Variants in MDN1 observed in about 807,000 individuals in gnomAD.
MDN1 encodes the protein midasin.
A neutral mutation model predicts 669.2 loss-of-function variants in MDN1; 266 were observed. The ratio of observed to expected loss-of-function variants is 0.40; its 90% CI spans 0.36 to 0.44. The LOEUF is 0.44. Ranked by LOEUF, MDN1 falls within the 20% of genes least tolerant of loss-of-function variation. The probability of loss-of-function intolerance (pLI) is 1.00; values close to 1 mark genes in which losing one functional copy is unlikely to be tolerated. For synonymous variants in MDN1, 2,385 were observed against 2,457.1 expected (o/e 0.97, Z 0.87); for missense variants, 5,940 against 6,754.0 (o/e 0.88, Z 4.22).
chr6:89,657,660 T>G (rs1321511019), intron 90 of MDN1, among the ~76,000 whole-genome samples: 1 of 152,182 alleles, frequency 6.6e-6, no homozygotes, highest in African/African-American at 2.4e-5. Flanking sequence ...TCTAACAACT[T>G]TTTCTTATTA....
At chr6:89,817,794 C>T (rs1196615520) in intron 1 of MDN1, among the ~76,000 whole-genome samples, 1 of 151,778 alleles carries the variant, frequency 6.6e-6, no homozygotes, top group Non-Finnish European at 1.5e-5. Context: ...CAGTCTGGGG[C>T]AGGGTTTCTT....
At chr6:89,797,280 G>C (rs1456762452) in intron 2 of MDN1, among the ~76,000 whole-genome samples, 1 of 142,604 alleles carries the variant, frequency 7.0e-6, no homozygotes, top group Non-Finnish European at 1.5e-5. Flanking sequence ...TGAGGCAGGA[G>C]AATCGCTTGA....
chr6:89,816,667 C>T (rs1385156375), intron 1 of MDN1, among the ~76,000 whole-genome samples: 4 of 151,560 alleles, frequency 2.6e-5, no homozygotes, highest in Non-Finnish European at 4.4e-5. Flanking sequence ...GTCTCCACAC[C>T]CCTATCTTTT....
intron 64 of MDN1, 28 bp downstream of exon 64, chr6:89,690,645 A>G (rs749004450): frequency 1.2e-6 from 2 of 1,613,110 alleles, no homozygotes; most frequent in Non-Finnish European, 1.7e-6. Flanking sequence ...AATTCATTCC[A>G]AAACACACCC....
In MDN1 at chr6:89,692,654, A is replaced by G. The variant is rs1474061767; in HGVS notation, c.10376T>C (p.Leu3459Ser). The part of the protein sequence containing the change: ...FPTYYAHADT[L>S]CSVKSEEVLR... The stretch of plus-strand genomic sequence containing the variant: ...AACCTCCTCAGACTTCACCGAGCAC[A>G]AAGTGTCTGCATGAGCATAGTAAGT... The change falls in exon 63 of 102, where the codon TTG becomes TCG. Residue 3459 changes from leucine (L) to serine (S), a missense_variant. Leu to Ser is a moderately radical substitution (Grantham distance 145). Coordinates refer to ENST00000369393, the MANE Select transcript of MDN1 (RefSeq NM_014611.3). The G allele has an allele frequency of 6.2e-7, 1 of 1,614,230 alleles. No homozygotes were observed. The highest frequency in any genetic ancestry group is 8.5e-7 in the Non-Finnish European group (1 of 1,180,032).
chr6:89,675,433 C>A, intron 78 of MDN1, 31 bp downstream of exon 78: 1 of 1,582,674 alleles, frequency 6.3e-7, no homozygotes, highest in Non-Finnish European at 8.7e-7. Context: ...CTTCCCAATT[C>A]ATGCCACAAG....
Position 89,692,701 on chromosome 6 carries a change from T to A in MDN1, c.10329A>T (p.Pro3443=), listed in dbSNP as rs1207892846. ...GTLATALLAF[P]SVGPTFPTYY... is the part of the protein sequence containing the mutation. ...AAGTCGGGAAGGTGGGGCCCACCGA[T>A]GGGAAAGCCAGCAAGGCTGTGGCCA... is the stretch of plus-strand genomic sequence containing the variant. The change falls in exon 63 of 102, where the codon CCA becomes CCT. Residue 3443 remains proline, a synonymous_variant. Coordinates refer to ENST00000369393, the MANE Select transcript of MDN1 (RefSeq NM_014611.3). 3 of 1,614,004 alleles carry A rather than the reference T, an allele frequency of 1.9e-6. No individual in the cohort carries two copies. Among genetic ancestry groups the A allele is most frequent in the Non-Finnish European group, 2.5e-6 (3 of 1,180,018 alleles).
chr6:89,695,738 C>T lies in MDN1; in HGVS notation c.9638G>A (p.Ser3213Asn), dbSNP rs1562102273. 1 of 1,613,750 alleles carries T rather than the reference C, an allele frequency of 6.2e-7. No individual in the cohort carries two copies. Among genetic ancestry groups the T allele is most frequent in the African/African-American group, 1.3e-5 (1 of 75,064 alleles). Residue 3213 changes from serine (S) to asparagine (N), a missense_variant, in exon 61 of 102, where the codon AGC becomes AAC. By Grantham distance (46) the Ser-to-Asn change is conservative. Transcript: ENST00000369393. This position sits in a 1 kb window ranked among gnomAD's most constrained non-coding sequence, Gnocchi z 4.1. ...HFVGEGESKR[S>N]LPEPAQRGSL... is the part of the protein sequence containing the mutation. ...CCCACGCTGGGCTGGCTCAGGCAGG[C>T]TCCTCTTACTCTCCCCTTCACCAAC...
chr6:89,735,837 T>C (rs943540819), intron 33 of MDN1, among the ~76,000 whole-genome samples: 4 of 152,048 alleles, frequency 2.6e-5, no homozygotes, highest in African/African-American at 9.7e-5. Flanking sequence ...CTTGCCAACA[T>C]GGTGAAACCC....
At chr6:89,647,324 AC>A (rs1453359461) in intron 99 of MDN1, among the ~76,000 whole-genome samples, 1 of 152,356 alleles carries the variant, frequency 6.6e-6, no homozygotes, top group South Asian at 2.1e-4. Flanking sequence ...TCAGAGCAGG[AC>A]CCAGGAGAAA....
intron 92 of MDN1, among the ~76,000 whole-genome samples, chr6:89,654,617 A>G (rs543074914): frequency 2.0e-5 from 3 of 152,262 alleles, no homozygotes; most frequent in African/African-American, 7.2e-5. Flanking sequence ...TATGAACTCA[A>G]AGTACACCGT....
In MDN1 at chr6:89,645,081, T is replaced by G. The variant is rs765531856; in HGVS notation, c.16536A>C (p.Ala5512=). ...TATTTGCATTCCGGGCAGCCTGAACTGCTGCCAGGACTCTTTCTTTGCCCT... is the reference window on the plus strand; with the variant it reads ...TATTTGCATTCCGGGCAGCCTGAACGGCTGCCAGGACTCTTTCTTTGCCCT... ...FLEGKERVLA[A]VQAARNANIF... Residue 5512 remains alanine, a synonymous_variant, in exon 101 of 102, where the codon GCA becomes GCC. Coordinates refer to ENST00000369393, the MANE Select transcript of MDN1 (RefSeq NM_014611.3). The G allele has an allele frequency of 1.9e-6, 3 of 1,612,396 alleles. No homozygotes were observed. Among genetic ancestry groups the G allele is most frequent in the Non-Finnish European group, 1.7e-6 (2 of 1,178,524 alleles).
intron 1 of MDN1, among the ~76,000 whole-genome samples, chr6:89,805,256 C>T (rs1767942446): frequency 6.6e-6 from 1 of 151,904 alleles, no homozygotes; most frequent in Admixed American, 6.6e-5. Context: ...GAAGTTTCAC[C>T]CCAGGCCAGG....
At chr6:89,747,890 C>CAA (rs55885838) in intron 26 of MDN1, among the ~76,000 whole-genome samples, 54 of 83,996 alleles carry the variant, frequency 6.4e-4, no homozygotes, top group Non-Finnish European at 7.4e-4. Flanking sequence ...GACTCCGTCT[C>CAA]AAAAAAAAAA....
At chr6:89,792,568 A>G (rs540865770) in intron 5 of MDN1, among the ~76,000 whole-genome samples, 2 of 152,112 alleles carry the variant, frequency 1.3e-5, no homozygotes, top group African/African-American at 4.8e-5. Context: ...AAACACAAAG[A>G]GCTTTGGAAG....
At chr6:89,669,798 A>C (rs1371227306) in intron 83 of MDN1, among the ~76,000 whole-genome samples, 1 of 152,026 alleles carries the variant, frequency 6.6e-6, no homozygotes, top group Non-Finnish European at 1.5e-5. Flanking sequence ...TTGCTGTTAG[A>C]TTTCACTGTC....
intron 11 of MDN1, among the ~76,000 whole-genome samples, chr6:89,777,010 T>C (rs1466482683): frequency 2.0e-5 from 3 of 152,184 alleles, no homozygotes. Context: ...ACTGGGTACA[T>C]GGTTCAAGGA....
chr6:89,773,243 T>C (rs147293894), intron 13 of MDN1, among the ~76,000 whole-genome samples: 115 of 152,154 alleles, frequency 7.6e-4, no homozygotes, highest in African/African-American at 2.5e-3. Flanking sequence ...TTTGGTGACA[T>C]AGAAATACAC....
intron 1 of MDN1, chr6:89,815,533 A>G (rs1243063669): frequency 4.0e-6 from 1 of 249,906 alleles, no homozygotes; most frequent in Non-Finnish European, 7.9e-6. Context: ...CTGACTAGCA[A>G]GGAGCCCAGA....
Sources: gnomAD v4.1 joint callset for allele counts (sites outside exome capture counted in the v4.1 genomes callset) on GRCh38, gnomAD v4.1.1 for gene constraint, Gnocchi (gnomAD v3.1) non-coding constraint, MANE v1.5 for transcripts, NCBI Gene and HGNC (gene_info 2026-07-23, HGNC 2026-07-21) for gene names.